VIT: variants seen among roughly 807,000 people sequenced by gnomAD.
VIT encodes vitrin.
In VIT, 99 loss-of-function variants were observed where a neutral mutation model predicts 78.0. That is an observed-to-expected ratio of 1.27 (90% CI 1.08 to 1.50). The LOEUF (loss-of-function observed/expected upper bound fraction) is 1.50, where lower values mean the gene tolerates loss of function less well. Among genes scored for constraint, VIT ranks in the 40% most tolerant of loss-of-function variants. The pLI, the probability that VIT is intolerant of heterozygous loss-of-function variation, is 0.00. For synonymous variants in VIT, 374 were observed against 334.3 expected, an observed-to-expected ratio of 1.12 and a Z score of -1.29; for missense variants, 1,126 against 875.3, an observed-to-expected ratio of 1.29 and a Z score of -3.61.
chr2:36,700,549 C>G (rs951733569), intron 1 of VIT, among the ~76,000 whole-genome samples: 1 of 151,966 alleles, frequency 6.6e-6, no homozygotes, highest in African/African-American at 2.4e-5. Flanking sequence ...TGAGACCAGC[C>G]CAGGCAACAT....
intron 2 of VIT, among the ~76,000 whole-genome samples, chr2:36,723,360 A>G (rs66510440): frequency 0.1 from 15,409 of 152,252 alleles, 805 homozygotes; most frequent in Middle Eastern, 0.18. Context: ...AGGTCAAAGA[A>G]TATAAAAGTT....
At chr2:36,773,547 T>C (rs1158304006) in intron 7 of VIT, among the ~76,000 whole-genome samples, 1 of 152,058 alleles carries the variant, frequency 6.6e-6, no homozygotes, top group Non-Finnish European at 1.5e-5. Context: ...CTGGCCAACA[T>C]GGTGAAACCC....
intron 7 of VIT, among the ~76,000 whole-genome samples, chr2:36,768,668 GC>G (rs1258817182): frequency 1.3e-5 from 2 of 152,148 alleles, no homozygotes; most frequent in Non-Finnish European, 1.5e-5. Flanking sequence ...AACTCCAGCA[GC>G]CTGGCTCTCC....
chr2:36,726,818 CAAAAAAAAAA>C (rs758452109), intron 2 of VIT, among the ~76,000 whole-genome samples: 2 of 111,608 alleles, frequency 1.8e-5, no homozygotes, highest in Admixed American at 9.5e-5. Flanking sequence ...GACTCTGTCT[CAAAAAAAAAA>C]AAAAAAAAAA....
At chr2:36,731,276 T>A (rs1667190231) in intron 3 of VIT, among the ~76,000 whole-genome samples, 1 of 152,054 alleles carries the variant, frequency 6.6e-6, no homozygotes, top group South Asian at 2.1e-4. Context: ...ATTTTTATTT[T>A]ATTTTATTTT....
At chr2:36,802,458 G>A (rs974446383) in intron 13 of VIT, among the ~76,000 whole-genome samples, 1 of 152,190 alleles carries the variant, frequency 6.6e-6, no homozygotes, top group Non-Finnish European at 1.5e-5. Context: ...CAGTAAATCC[G>A]ATTAAAGATT....
intron 14 of VIT, among the ~76,000 whole-genome samples, chr2:36,807,175 G>A (rs1200856595): frequency 1.3e-5 from 2 of 152,258 alleles, no homozygotes; most frequent in South Asian, 4.2e-4. Context: ...TGCTCCCCAG[G>A]TTAGTTTAGA....
chr2:36,792,849 C>G (rs1431181936), intron 12 of VIT, among the ~76,000 whole-genome samples: 1 of 152,140 alleles, frequency 6.6e-6, no homozygotes, highest in African/African-American at 2.4e-5. Context: ...TTTCCCTTCT[C>G]TAGACTTCTT....
chr2:36,732,717 A>G (rs1015696), intron 3 of VIT, among the ~76,000 whole-genome samples: 20,545 of 152,170 alleles, frequency 0.14, 1,559 homozygotes, highest in East Asian at 0.31. Flanking sequence ...GCTCACAATC[A>G]AAGGTGGAAG....
In VIT at chr2:36,814,613, C is replaced by T. The variant is rs1667434181; in HGVS notation, c.*252C>T. The T allele has an allele frequency of 2.2e-6, 1 of 457,600 alleles. No homozygotes were observed. The highest frequency in any genetic ancestry group is 3.8e-6 in the Non-Finnish European group (1 of 261,914). The allele number at this position is 457,600 out of a possible 1,614,324, so 28.3% of individuals were successfully genotyped here. ...GGGTGCTGGAGATTTTACATTTTGACAATTGTTTTCAAAATAAATGTTCGG... is the reference window on the plus strand; with the variant it reads ...GGGTGCTGGAGATTTTACATTTTGATAATTGTTTTCAAAATAAATGTTCGG... On this transcript the variant is annotated 3_prime_UTR_variant, in exon 16 of 16. Transcript: ENST00000379242.
intron 1 of VIT, among the ~76,000 whole-genome samples, chr2:36,712,164 C>G (rs1194039834): frequency 6.6e-6 from 1 of 151,796 alleles, no homozygotes; most frequent in Non-Finnish European, 1.5e-5. Context: ...TTTTTTCACA[C>G]ATTTCAAAAG....
intron 12 of VIT, among the ~76,000 whole-genome samples, chr2:36,800,914 G>T (rs145927530): frequency 6.6e-6 from 1 of 152,252 alleles, no homozygotes; most frequent in East Asian, 1.9e-4. Context: ...TTTCTGGAGA[G>T]GGGGGTCTGG....
At chr2:36,726,557 C>A (rs1666858716) in intron 2 of VIT, among the ~76,000 whole-genome samples, 3 of 152,094 alleles carry the variant, frequency 2.0e-5, no homozygotes, top group Admixed American at 6.6e-5. Flanking sequence ...TATAAAAAGC[C>A]TCAGGCCGGG....
At chr2:36,709,974 TGAAA>T (rs1244263048) in intron 1 of VIT, among the ~76,000 whole-genome samples, 1 of 152,210 alleles carries the variant, frequency 6.6e-6, no homozygotes, top group Non-Finnish European at 1.5e-5. Flanking sequence ...CCTTTCCAAC[TGAAA>T]GAAAGAGTGA....
intron 6 of VIT, chr2:36,759,679 C>T (rs1351562699): frequency 1.6e-5 from 16 of 989,170 alleles, no homozygotes; most frequent in Non-Finnish European, 1.8e-5. Context: ...CGCTTTATAA[C>T]GGGATTTTGC....
intron 12 of VIT, among the ~76,000 whole-genome samples, chr2:36,793,748 A>G (rs911586053): frequency 6.6e-6 from 1 of 152,190 alleles, no homozygotes; most frequent in Non-Finnish European, 1.5e-5. Context: ...GGAGGGAATT[A>G]TGATTAGTTA....
chr2:36,798,837 G>C (rs1013897878), intron 12 of VIT, among the ~76,000 whole-genome samples: 1 of 152,110 alleles, frequency 6.6e-6, no homozygotes, highest in Admixed American at 6.5e-5. Context: ...CAGAGTGAAA[G>C]CCACAGTGCT....
chr2:36,793,389 G>A (rs963250818), intron 12 of VIT, among the ~76,000 whole-genome samples: 10 of 152,338 alleles, frequency 6.6e-5, no homozygotes, highest in African/African-American at 2.4e-4. Context: ...GAAAAGACCA[G>A]TTCCCATTCA....
rs1288588615 is a variant in VIT at position 36,808,660 on chromosome 2, C to G, written c.1578C>G (p.Phe526Leu). Residue 526 changes from phenylalanine to leucine, a missense_variant, in exon 15 of 16, where the codon TTC becomes TTG. Phe to Leu is a conservative substitution (Grantham distance 22). Transcript: ENST00000379242. ...CCAGCAGTGTGGGGACGGGCAACTTCCGCACCGTCCTCCAGTTTGTGACCA... is the reference window on the plus strand; with the variant it reads ...CCAGCAGTGTGGGGACGGGCAACTTGCGCACCGTCCTCCAGTTTGTGACCA... ...DGSSSVGTGN[F>L]RTVLQFVTNL... 41 of 1,614,104 alleles carry G rather than the reference C, an allele frequency of 2.5e-5. No homozygotes were observed. The highest frequency in any genetic ancestry group is 3.5e-5 in the Non-Finnish European group (41 of 1,180,048).
Sources: allele counts gnomAD v4.1 joint callset (sites outside exome capture counted in the v4.1 genomes callset), GRCh38; gene constraint gnomAD v4.1.1; transcripts MANE v1.5; gene names NCBI Gene and HGNC (gene_info 2026-07-23, HGNC 2026-07-21).